LINGO2: variants seen among roughly 807,000 people sequenced by gnomAD.
The protein encoded by LINGO2 is leucine rich repeat and Ig domain containing 2.
Under a neutral mutation model 30.6 loss-of-function variants are expected in LINGO2, and 14 were observed. The observed-to-expected ratio is 0.46, with a 90% CI of 0.30 to 0.72. The LOEUF is 0.72. Ranked by LOEUF, LINGO2 falls within the 30% of genes least tolerant of loss-of-function variation. LINGO2 has a pLI of 0.07. For missense variants in LINGO2, 729 were observed against 751.7 expected, an observed-to-expected ratio of 0.97 and a Z score of 0.35; for synonymous variants, 317 against 288.5, an observed-to-expected ratio of 1.10 and a Z score of -1.00.
At chr9:28,051,625 T>A (rs1249923530) in intron 4 of LINGO2, among the ~76,000 whole-genome samples, 5 of 152,080 alleles carry the variant, frequency 3.3e-5, no homozygotes, top group Non-Finnish European at 7.4e-5. Context: ...ATCTTCACAA[T>A]AACCTAAAAG....
chr9:28,595,719 T>C (rs139899500), intron 1 of LINGO2, among the ~76,000 whole-genome samples: 152 of 152,196 alleles, frequency 1.0e-3, no homozygotes, highest in Non-Finnish European at 5.9e-4. Context: ...ACCTATAAAC[T>C]ACATTACAAT....
chr9:28,658,958 G>A (rs1321817444), intron 1 of LINGO2, among the ~76,000 whole-genome samples: 3 of 152,104 alleles, frequency 2.0e-5, no homozygotes, highest in African/African-American at 7.2e-5. Flanking sequence ...CATAAAGACA[G>A]CAAGATGACA....
the LINGO2 span, among the ~76,000 whole-genome samples, chr9:28,767,538 C>A: frequency 6.6e-6 from 1 of 152,018 alleles, no homozygotes; most frequent in Non-Finnish European, 1.5e-5. Context: ...GTAATCCCAG[C>A]ACTTTGGGAG....
intron 1 of LINGO2, among the ~76,000 whole-genome samples, chr9:28,589,906 C>T (rs1824782985): frequency 6.6e-6 from 1 of 152,146 alleles, no homozygotes; most frequent in Admixed American, 6.6e-5. Flanking sequence ...TCAAAATATA[C>T]TACAAGGCTA....
chr9:27,946,077 G>A (rs190376263), downstream of LINGO2, among the ~76,000 whole-genome samples: 11 of 152,226 alleles, frequency 7.2e-5, no homozygotes, highest in Admixed American at 2.6e-4. Context: ...TAGACCAACC[G>A]GGGTTCTATG....
intron 4 of LINGO2, among the ~76,000 whole-genome samples, chr9:28,244,096 C>T (rs6476051): frequency 0.33 from 50,043 of 151,932 alleles, 8,235 homozygotes; most frequent in Middle Eastern, 0.38. Context: ...CCTCAGCAAA[C>T]GCATAAGAAC....
At chr9:28,555,027 G>T (rs1345986233) in intron 1 of LINGO2, among the ~76,000 whole-genome samples, 2 of 138,692 alleles carry the variant, frequency 1.4e-5, no homozygotes, top group Non-Finnish European at 3.0e-5. Flanking sequence ...AGCACTAAAT[G>T]CCCACAAGAG....
the LINGO2 span, among the ~76,000 whole-genome samples, chr9:28,887,273 G>A: frequency 6.6e-6 from 1 of 151,970 alleles, no homozygotes; most frequent in Admixed American, 6.6e-5. Context: ...AAAATTGAAA[G>A]GATTTTTTTT....
chr9:28,812,972 G>A, the LINGO2 span, among the ~76,000 whole-genome samples: 1 of 151,744 alleles, frequency 6.6e-6, no homozygotes, highest in Admixed American at 6.6e-5. Flanking sequence ...ATTTCCAACG[G>A]TTCTAAGAAT....
At chr9:28,867,431 T>A in the LINGO2 span, among the ~76,000 whole-genome samples, 5 of 151,440 alleles carry the variant, frequency 3.3e-5, no homozygotes, top group African/African-American at 1.2e-4. Flanking sequence ...AATAAGCAAG[T>A]GCTAGCCATA....
At chr9:28,365,361 T>C (rs1820621518) in intron 3 of LINGO2, among the ~76,000 whole-genome samples, 1 of 152,150 alleles carries the variant, frequency 6.6e-6, no homozygotes, top group African/African-American at 2.4e-5. Context: ...CTGGAATTAA[T>C]TGCCTGGGTA....
chr9:28,310,477 A>C (rs1280645358), intron 3 of LINGO2, among the ~76,000 whole-genome samples: 1 of 152,206 alleles, frequency 6.6e-6, no homozygotes, highest in Non-Finnish European at 1.5e-5. Context: ...CTTCAACTCC[A>C]TGTATATAAA....
At chr9:28,237,544 G>T (rs1374844735) in intron 4 of LINGO2, among the ~76,000 whole-genome samples, 1 of 152,028 alleles carries the variant, frequency 6.6e-6, no homozygotes, top group African/African-American at 2.4e-5. Flanking sequence ...CCAGTGATCT[G>T]TTGCCTATAA....
At chr9:28,943,108 C>T in the LINGO2 span, among the ~76,000 whole-genome samples, 5 of 152,080 alleles carry the variant, frequency 3.3e-5, no homozygotes, top group African/African-American at 1.2e-4. Flanking sequence ...TCAGAAAATG[C>T]ACAAACTGTC....
the LINGO2 span, among the ~76,000 whole-genome samples, chr9:28,777,336 C>T: frequency 2.0e-5 from 3 of 152,166 alleles, no homozygotes; most frequent in Admixed American, 1.3e-4. Context: ...TGAAACAATA[C>T]CTCTAAAACT....
chr9:28,575,205 C>T (rs565999372), intron 1 of LINGO2, among the ~76,000 whole-genome samples: 6 of 152,064 alleles, frequency 3.9e-5, no homozygotes. Flanking sequence ...AGTTCAAGAC[C>T]AGCCTGGCCA....
intron 2 of LINGO2, among the ~76,000 whole-genome samples, chr9:28,449,709 T>C (rs1277132563): frequency 6.6e-6 from 1 of 152,072 alleles, no homozygotes; most frequent in Non-Finnish European, 1.5e-5. Flanking sequence ...ACTTGGAATG[T>C]TTCGACTGCC....
At chr9:29,157,931 G>A in the LINGO2 span, among the ~76,000 whole-genome samples, 5 of 151,904 alleles carry the variant, frequency 3.3e-5, no homozygotes, top group African/African-American at 1.2e-4. Context: ...TACAGAATGT[G>A]TATAAAAAAA....
chr9:28,968,872 C>G, the LINGO2 span, among the ~76,000 whole-genome samples: 1 of 152,088 alleles, frequency 6.6e-6, no homozygotes, highest in Non-Finnish European at 1.5e-5. Context: ...CAAACCACGA[C>G]AGAGTGCAAT....
Sources: allele counts gnomAD v4.1 joint callset (sites outside exome capture counted in the v4.1 genomes callset), GRCh38; gene constraint gnomAD v4.1.1; transcripts MANE v1.5; gene names NCBI Gene and HGNC (gene_info 2026-07-23, HGNC 2026-07-21).